The following TTC6 variants were observed in gnomAD, a reference collection of about 807,000 sequenced individuals.
TTC6 encodes tetratricopeptide repeat protein 6.
Under a neutral mutation model 210.4 loss-of-function variants are expected in TTC6, and 172 were observed. That is an observed-to-expected ratio of 0.82 (90% CI 0.72 to 0.93). The LOEUF is 0.93. Among genes scored for constraint, TTC6 ranks in the 40% least tolerant of loss-of-function variants. The probability of loss-of-function intolerance (pLI) is 0.00; values close to 1 mark genes in which losing one functional copy is unlikely to be tolerated. For synonymous variants in TTC6, 804 were observed against 819.6 expected (o/e 0.98, Z 0.32); for missense variants, 2,414 against 2,318.1 (o/e 1.04, Z -0.85).
At chr14:37,789,366 C>T (rs2096074323) in intron 15 of TTC6, among the ~76,000 whole-genome samples, 1 of 151,564 alleles carries the variant, frequency 6.6e-6, no homozygotes, top group African/African-American at 2.4e-5. Context: ...TTAAGAGCAG[C>T]CACCCAAACT....
intron 6 of TTC6, among the ~76,000 whole-genome samples, chr14:37,723,976 C>T (rs544816378): frequency 1.3e-5 from 2 of 152,066 alleles, no homozygotes; most frequent in African/African-American, 2.4e-5. Context: ...TGTATAATGT[C>T]ATGTAGCCAC....
intron 10 of TTC6, among the ~76,000 whole-genome samples, chr14:37,743,556 C>T (rs759653402): frequency 2.0e-5 from 3 of 152,058 alleles, no homozygotes; most frequent in Non-Finnish European, 2.9e-5. Context: ...TATATTTTAA[C>T]AAAGCTGTAT....
chr14:37,811,386 CAT>C (rs1192647747), intron 24 of TTC6, among the ~76,000 whole-genome samples: 1 of 152,076 alleles, frequency 6.6e-6, no homozygotes, highest in Non-Finnish European at 1.5e-5. Context: ...TTTAACTGCA[CAT>C]TTTTTAAAGA....
At position 37,806,566 on chromosome 14, in the gene TTC6, T is replaced by C. The variant is rs897034484; in HGVS notation, c.4314+56T>C. The C allele has an allele frequency of 1.8e-5, 25 of 1,414,806 alleles. No homozygotes were observed. The African/African-American group carries it at 3.6e-4, about 20-fold the overall frequency. The allele number at this position is 1,414,806 out of a possible 1,614,324, so 87.6% of individuals were successfully genotyped here. On this transcript the variant is annotated intron_variant, in intron 22 of 30. Coordinates refer to ENST00000553443, the Ensembl canonical transcript of TTC6. Reference sequence around the variant, plus strand: ...AAAGTGTTAAGTTTGGTAAAACTATTAAATCTTTTATGTGCCATTGTTATT... The same window carrying C: ...AAAGTGTTAAGTTTGGTAAAACTATCAAATCTTTTATGTGCCATTGTTATT...
At chr14:37,645,543 G>C (rs2095700033) in intron 1 of TTC6, among the ~76,000 whole-genome samples, 1 of 152,144 alleles carries the variant, frequency 6.6e-6, no homozygotes, top group African/African-American at 2.4e-5. Flanking sequence ...AGAATAATGG[G>C]GAAGCGAGAG....
chr14:37,751,915 C>T (rs1213179442), intron 13 of TTC6, among the ~76,000 whole-genome samples: 2 of 149,848 alleles, frequency 1.3e-5, no homozygotes, highest in East Asian at 2.0e-4. Context: ...GCTCTGCCTC[C>T]GGGATTCACG....
chr14:37,703,809 A>G (rs991171427), intron 5 of TTC6, among the ~76,000 whole-genome samples: 1 of 152,094 alleles, frequency 6.6e-6, no homozygotes, highest in Non-Finnish European at 1.5e-5. Context: ...TATTGGCCTT[A>G]TTTTTGCTTT....
At chr14:37,624,256 T>C (rs2095656384) in intron 1 of TTC6, among the ~76,000 whole-genome samples, 1 of 152,224 alleles carries the variant, frequency 6.6e-6, no homozygotes, top group African/African-American at 2.4e-5. Context: ...TTAGGGTGAC[T>C]GCTCAGGCCA....
chr14:37,709,806 C>T (rs545198918), intron 5 of TTC6, among the ~76,000 whole-genome samples: 6 of 151,770 alleles, frequency 4.0e-5, no homozygotes, highest in Non-Finnish European at 8.8e-5. Flanking sequence ...ATTCATATGC[C>T]TCTGCTGCAG....
At chr14:37,652,278 G>T (rs1032259943) in intron 1 of TTC6, among the ~76,000 whole-genome samples, 1 of 152,136 alleles carries the variant, frequency 6.6e-6, no homozygotes, top group African/African-American at 2.4e-5. Context: ...TTAATCCATT[G>T]CACAGGTTGA....
At chr14:37,815,373 T>C (rs2096139038) in intron 25 of TTC6, among the ~76,000 whole-genome samples, 1 of 152,122 alleles carries the variant, frequency 6.6e-6, no homozygotes, top group Non-Finnish European at 1.5e-5. Flanking sequence ...GGTTTCGGAA[T>C]GAAACTGTTC....
intron 29 of TTC6, among the ~76,000 whole-genome samples, chr14:37,840,179 A>G (rs569714051): frequency 2.1e-3 from 322 of 152,348 alleles, no homozygotes; most frequent in African/African-American, 7.4e-3. Flanking sequence ...TCCCACAGAA[A>G]TACAAACTAC....
intron 1 of TTC6, among the ~76,000 whole-genome samples, chr14:37,640,091 CTT>C (rs2095688954): frequency 1.3e-5 from 2 of 151,726 alleles, no homozygotes; most frequent in East Asian, 3.9e-4. Context: ...TCAAAATAAA[CTT>C]ATTCTTTGTT....
At chr14:37,732,750 T>C (rs952801500) in intron 7 of TTC6, among the ~76,000 whole-genome samples, 2 of 151,382 alleles carry the variant, frequency 1.3e-5, no homozygotes, top group African/African-American at 4.8e-5. Flanking sequence ...CCCGAGTAGC[T>C]GGGACTACAG....
At chr14:37,755,869 G>A (rs540464497) in intron 14 of TTC6, among the ~76,000 whole-genome samples, 1 of 152,290 alleles carries the variant, frequency 6.6e-6, no homozygotes, top group African/African-American at 2.4e-5. Flanking sequence ...CTTTAAAATA[G>A]TTGTTTCTAA....
chr14:37,642,170 T>A (rs2095693097), intron 1 of TTC6, among the ~76,000 whole-genome samples: 1 of 152,232 alleles, frequency 6.6e-6, no homozygotes, highest in Non-Finnish European at 1.5e-5. Context: ...TGTGCTTTGA[T>A]GGTCCCATAG....
intron 1 of TTC6, among the ~76,000 whole-genome samples, chr14:37,605,319 G>A (rs549721427): frequency 2.6e-5 from 4 of 152,318 alleles, no homozygotes; most frequent in African/African-American, 9.6e-5. Flanking sequence ...GGGCTAAGAA[G>A]GTCCTGCATA....
In TTC6 at chr14:37,725,308, GTGTGTATATATATATATATATA is replaced by G. The variant is rs1234286204; in HGVS notation, c.1818+308_1818+329del. Among the ~76,000 whole-genome samples the G allele has an allele frequency of 7.4e-4, 54 of 73,398 alleles. 1 individual carries two copies. The highest frequency in any genetic ancestry group is 1.1e-3 in the Admixed American group (8 of 7,014). The allele number at this position is 73,398 out of a possible 152,430, so 48.2% of individuals were successfully genotyped here. ...TTTATATATGTATGTATGTGTGTGTGTGTGTATATATATATATATATATATATATATATATATATATATATAT... is the reference window on the plus strand; with the variant it reads ...TTTATATATGTATGTATGTGTGTGTGTATATATATATATATATATATATAT... On this transcript the variant is annotated intron_variant, in intron 7 of 30. Coordinates refer to ENST00000553443, the Ensembl canonical transcript of TTC6.
At chr14:37,694,172 C>G (rs1445532550) in intron 3 of TTC6, among the ~76,000 whole-genome samples, 1 of 152,004 alleles carries the variant, frequency 6.6e-6, no homozygotes, top group East Asian at 1.9e-4. Context: ...GAAGAGACAA[C>G]CCACAGAATG....
Sources: allele counts gnomAD v4.1 joint callset (sites outside exome capture counted in the v4.1 genomes callset), GRCh38; gene constraint gnomAD v4.1.1; transcripts MANE v1.5; gene names NCBI Gene and HGNC (gene_info 2026-07-23, HGNC 2026-07-21).